Variants in PPP1R12A observed in about 807,000 individuals in gnomAD.
PPP1R12A encodes myosin binding subunit.
Under a neutral mutation model 139.6 loss-of-function variants are expected in PPP1R12A, and 19 were observed. The observed-to-expected ratio is 0.14, with a 90% CI of 0.09 to 0.20. The LOEUF (loss-of-function observed/expected upper bound fraction) is 0.20, where lower values mean the gene tolerates loss of function less well. Among genes scored for constraint, PPP1R12A ranks in the 10% least tolerant of loss-of-function variants. PPP1R12A has a pLI of 1.00. For missense variants in PPP1R12A, 925 were observed against 1,211.5 expected, an observed-to-expected ratio of 0.76 and a Z score of 3.51; for synonymous variants, 427 against 420.6, an observed-to-expected ratio of 1.02 and a Z score of -0.19.
intron 5 of PPP1R12A, 43 bp from the exon 6 acceptor site, chr12:79,822,233 TA>T: frequency 7.4e-7 from 1 of 1,345,230 alleles, no homozygotes. Flanking sequence ...CAAAAGTCAA[TA>T]AATCATAAAA....
rs1871719707 is a variant in PPP1R12A at position 79,790,588 on chromosome 12, CGAAT to C, written c.2650-109_2650-106del. 9.3e-6 allele frequency: 7 copies of C among 752,104 alleles called. No homozygotes were observed. The South Asian group carries it at 1.4e-4, about 15-fold the overall frequency. The allele number at this position is 752,104 out of a possible 1,614,324, so 46.6% of individuals were successfully genotyped here. On this transcript the variant is annotated intron_variant, in intron 19 of 24. Transcript: ENST00000450142. ...TTAATGTAGTATCAATAGAAGCAAA[CGAAT>C]GAACACCTAAGGTTCTTTATGCATA...
At chr12:79,793,812 AATT>A in intron 19 of PPP1R12A, 48 bp downstream of exon 19, 1 of 1,377,044 alleles carries the variant, frequency 7.3e-7, no homozygotes, top group South Asian at 1.3e-5. Context: ...ATTTAAAAGT[AATT>A]ATTAAAAAAT....
intron 23 of PPP1R12A, chr12:79,780,414 A>G (rs1252259982): frequency 3.3e-5 from 5 of 152,126 alleles, no homozygotes; most frequent in Non-Finnish European, 7.4e-5. Flanking sequence ...AAAGGAGGTT[A>G]GGTGAGCTTG....
In PPP1R12A at chr12:79,810,144, T is replaced by C. The variant is rs772187595; in HGVS notation, c.1240-134A>G. Reference sequence around the variant, plus strand: ...CAGTTTCAGGATAAAACACTTTTACTACATAGGTTAATGTCTTAGTAAAAA... The same window carrying C: ...CAGTTTCAGGATAAAACACTTTTACCACATAGGTTAATGTCTTAGTAAAAA... On this transcript the variant is annotated intron_variant, in intron 9 of 24. Transcript: ENST00000450142. The C allele has an allele frequency of 8.3e-6, 6 of 726,760 alleles. No homozygotes were observed. In the African/African-American group the frequency reaches 9.0e-5, roughly 11 times the overall value. The allele number at this position is 726,760 out of a possible 1,614,324, so 45.0% of individuals were successfully genotyped here. A position where few individuals can be genotyped will look rare whatever the true frequency, so the allele number is the denominator to read the frequency against.
intron 4 of PPP1R12A, among the ~76,000 whole-genome samples, chr12:79,830,250 A>T (rs1877256365): frequency 6.6e-6 from 1 of 152,182 alleles, no homozygotes; most frequent in Admixed American, 6.6e-5. Flanking sequence ...ATAAGCAAAT[A>T]CAATTTTAAT....
At chr12:79,839,397 G>A (rs1411963420) in intron 3 of PPP1R12A, among the ~76,000 whole-genome samples, 3 of 152,052 alleles carry the variant, frequency 2.0e-5, no homozygotes, top group South Asian at 4.1e-4. Flanking sequence ...TTAAGACTCT[G>A]GGGGACTGCT....
At chr12:79,905,148 T>A (rs1885985995) in intron 1 of PPP1R12A, among the ~76,000 whole-genome samples, 1 of 152,200 alleles carries the variant, frequency 6.6e-6, no homozygotes, top group Non-Finnish European at 1.5e-5. Flanking sequence ...TTAGTATACC[T>A]AACAGCCTTC....
At chr12:79,904,312 A>G (rs1479803299) in intron 1 of PPP1R12A, among the ~76,000 whole-genome samples, 1 of 152,036 alleles carries the variant, frequency 6.6e-6, no homozygotes, top group Non-Finnish European at 1.5e-5. Context: ...AACAGAAAAA[A>G]ATGTTCTAAA....
At chr12:79,779,553 G>A (rs577539888) in intron 23 of PPP1R12A, 23 of 370,854 alleles carry the variant, frequency 6.2e-5, no homozygotes, top group African/African-American at 2.1e-4. Context: ...TTCCAACATC[G>A]GCATGCCTAA....
At chr12:79,877,151 A>AG in intron 1 of PPP1R12A, among the ~76,000 whole-genome samples, 1 of 152,142 alleles carries the variant, frequency 6.6e-6, no homozygotes, top group Admixed American at 6.5e-5. Flanking sequence ...TTTCAAGTGG[A>AG]GGGAAGAAGT....
At chr12:79,903,536 T>C (rs1248362201) in intron 1 of PPP1R12A, among the ~76,000 whole-genome samples, 4 of 152,094 alleles carry the variant, frequency 2.6e-5, no homozygotes, top group African/African-American at 9.7e-5. Context: ...TATTTAGACC[T>C]GGGACCCATC....
rs983160010 is a variant in PPP1R12A, at chr12:79,774,844, T to C, written c.*1085A>G. The C allele has an allele frequency of 6.6e-6, 1 of 152,484 alleles. No homozygotes were observed. The highest frequency in any genetic ancestry group is 2.4e-5 in the African/African-American group (1 of 41,454). The allele number at this position is 152,484 out of a possible 1,614,324, so 9.4% of individuals were successfully genotyped here. On this transcript the variant is annotated 3_prime_UTR_variant, in exon 25 of 25. Transcript: ENST00000450142. ...AGGTATGTGAAATGTAAAGCAATTA[T>C]CTTATGCAACTTTAATTATGGTTGA... is the stretch of plus-strand genomic sequence containing the variant.
intron 2 of PPP1R12A, among the ~76,000 whole-genome samples, chr12:79,862,140 C>T (rs1214383588): frequency 6.6e-6 from 1 of 152,166 alleles, no homozygotes; most frequent in Non-Finnish European, 1.5e-5. Context: ...GCAATATTTG[C>T]TGTTCTGCAG....
chr12:79,924,853 T>C (rs1887710064), intron 1 of PPP1R12A, among the ~76,000 whole-genome samples: 1 of 152,214 alleles, frequency 6.6e-6, no homozygotes, highest in Admixed American at 6.5e-5. Flanking sequence ...TTACAAATTC[T>C]GAAGCATACT....
intron 1 of PPP1R12A, among the ~76,000 whole-genome samples, chr12:79,880,133 G>T (rs1223818393): frequency 2.0e-5 from 3 of 151,948 alleles, no homozygotes; most frequent in African/African-American, 7.3e-5. Context: ...AAGATCGTAT[G>T]AAAAAGATCA....
chr12:79,916,070 C>G (rs949754135), intron 1 of PPP1R12A, among the ~76,000 whole-genome samples: 1 of 152,082 alleles, frequency 6.6e-6, no homozygotes, highest in Admixed American at 6.5e-5. Flanking sequence ...TCAACACAGT[C>G]TCTTCCAGAA....
chr12:79,901,435 A>G (rs1043798361), intron 1 of PPP1R12A, among the ~76,000 whole-genome samples: 5 of 152,138 alleles, frequency 3.3e-5, no homozygotes, highest in Admixed American at 6.5e-5. Flanking sequence ...TTTTGTGTGA[A>G]CATGTTTTCA....
At chr12:79,913,230 GTAA>G (rs1276154999) in intron 1 of PPP1R12A, among the ~76,000 whole-genome samples, 1 of 152,150 alleles carries the variant, frequency 6.6e-6, no homozygotes, top group Non-Finnish European at 1.5e-5. Flanking sequence ...TCCTTTATGG[GTAA>G]TAATCTTTTT....
intron 14 of PPP1R12A, among the ~76,000 whole-genome samples, chr12:79,800,449 C>T (rs866300346): frequency 4.6e-5 from 7 of 152,240 alleles, no homozygotes; most frequent in South Asian, 2.1e-4. Flanking sequence ...AGTAAGAATA[C>T]AGTACATAAT....
Sources: gnomAD v4.1 joint callset for allele counts (sites outside exome capture counted in the v4.1 genomes callset) on GRCh38, gnomAD v4.1.1 for gene constraint, MANE v1.5 for transcripts, NCBI Gene and HGNC (gene_info 2026-07-23, HGNC 2026-07-21) for gene names.